The following ANO3 variants were observed in gnomAD, a reference collection of about 807,000 sequenced individuals.
ANO3 encodes the protein anoctamin-3.
In ANO3, 99 loss-of-function variants were observed where a neutral mutation model predicts 144.8. That is an observed-to-expected ratio of 0.68 (90% CI 0.58 to 0.81). The LOEUF is 0.81. Ranked by LOEUF, ANO3 falls within the 30% of genes least tolerant of loss-of-function variation. The probability of loss-of-function intolerance (pLI) is 0.00; values close to 1 mark genes in which losing one functional copy is unlikely to be tolerated. For missense variants in ANO3, 905 were observed against 1,202.2 expected, an observed-to-expected ratio of 0.75 and a Z score of 3.66; for synonymous variants, 414 against 392.6, an observed-to-expected ratio of 1.05 and a Z score of -0.64.
At position 26,565,471 on chromosome 11, in the gene ANO3, C is replaced by T. The variant is rs35317037; in HGVS notation, c.1447+5692C>T. On this transcript the variant is annotated intron_variant, in intron 14 of 26. Transcript: ENST00000256737. ...GGATGTGCTGAGATGGGCAAAAGATCTTCATCTGCTATAGGTGCATTCCAA... is the reference window on the plus strand; with the variant it reads ...GGATGTGCTGAGATGGGCAAAAGATTTTCATCTGCTATAGGTGCATTCCAA... 17,605 of 1,613,350 alleles carry T rather than the reference C, an allele frequency of 0.011. 101 individuals are homozygous for T. The highest frequency in any genetic ancestry group is 0.013 in the Non-Finnish European group (15,496 of 1,179,532).
At chr11:26,302,907 A>AT (rs902878018) in intron 1 of ANO3, among the ~76,000 whole-genome samples, 4 of 152,222 alleles carry the variant, frequency 2.6e-5, no homozygotes, top group African/African-American at 7.2e-5. Flanking sequence ...ATGAATAGAC[A>AT]TTTTTTAAAA....
chr11:26,453,113 C>T (rs1181765830), intron 3 of ANO3, among the ~76,000 whole-genome samples: 23 of 152,106 alleles, frequency 1.5e-4, no homozygotes, highest in East Asian at 3.9e-4. Flanking sequence ...CGGTACCAGC[C>T]GCTGCAAAAT....
intron 1 of ANO3, among the ~76,000 whole-genome samples, chr11:26,402,532 T>G (rs1245092883): frequency 1.3e-5 from 2 of 151,974 alleles, no homozygotes; most frequent in Non-Finnish European, 2.9e-5. Flanking sequence ...ATGTTAGACT[T>G]TTGTTGGAAG....
intron 1 of ANO3, among the ~76,000 whole-genome samples, chr11:26,402,821 T>C (rs118021559): frequency 0.027 from 4,064 of 152,000 alleles, 59 homozygotes; most frequent in East Asian, 0.11. Flanking sequence ...CAAGTTTACA[T>C]ATGTAACAAA....
At chr11:26,189,504 A>T (rs988519952) in intron 1 of ANO3, among the ~76,000 whole-genome samples, 4 of 152,196 alleles carry the variant, frequency 2.6e-5, no homozygotes, top group African/African-American at 4.8e-5. Context: ...CTTTTGAAAT[A>T]AAAAATAGAG....
upstream of ANO3, among the ~76,000 whole-genome samples, chr11:26,305,028 A>C (rs553285568): frequency 1.6e-4 from 25 of 152,184 alleles, no homozygotes; most frequent in East Asian, 4.8e-3. Context: ...AAAAAAAAGA[A>C]AAGGGTCCAG....
intron 1 of ANO3, among the ~76,000 whole-genome samples, chr11:26,316,884 A>G (rs1015772242): frequency 2.0e-5 from 3 of 152,266 alleles, no homozygotes; most frequent in Non-Finnish European, 2.9e-5. Context: ...TGGCAGCCCA[A>G]CCTTGCATTG....
intron 1 of ANO3, among the ~76,000 whole-genome samples, chr11:26,326,213 A>G (rs574554335): frequency 6.6e-6 from 1 of 152,292 alleles, no homozygotes; most frequent in South Asian, 2.1e-4. Flanking sequence ...ATGACCACAT[A>G]ACTTACTGTC....
intron 20 of ANO3, among the ~76,000 whole-genome samples, chr11:26,638,357 T>G (rs1022996647): frequency 6.6e-6 from 1 of 152,342 alleles, no homozygotes; most frequent in African/African-American, 2.4e-5. Flanking sequence ...CCTTTGTGAT[T>G]GGTCTCTCCA....
intron 1 of ANO3, among the ~76,000 whole-genome samples, chr11:26,362,247 A>G (rs1855946582): frequency 6.6e-6 from 1 of 152,172 alleles, no homozygotes; most frequent in African/African-American, 2.4e-5. Flanking sequence ...AATTATAATA[A>G]TAAAAACTTT....
upstream of ANO3, chr11:26,331,505 T>C (rs1855039570): frequency 6.6e-6 from 1 of 152,168 alleles, no homozygotes; most frequent in Admixed American, 6.5e-5. Context: ...AATATTAGAA[T>C]CATAGTTTAC....
At chr11:26,490,396 T>C (rs950079379) in intron 4 of ANO3, among the ~76,000 whole-genome samples, 10 of 152,192 alleles carry the variant, frequency 6.6e-5, no homozygotes, top group African/African-American at 2.4e-4. Context: ...CTTGCAAACA[T>C]GCACATTATT....
intron 18 of ANO3, among the ~76,000 whole-genome samples, chr11:26,631,620 A>T (rs1459515485): frequency 6.6e-6 from 1 of 152,170 alleles, no homozygotes; most frequent in African/African-American, 2.4e-5. Context: ...AAAGAAACAC[A>T]ACTGAATTTA....
intron 18 of ANO3, 34 bp downstream of exon 18, chr11:26,624,532 A>G (rs369575557): frequency 1.3e-5 from 19 of 1,499,128 alleles, no homozygotes; most frequent in African/African-American, 1.4e-5. Flanking sequence ...CTCCTTAGTC[A>G]GAAAATAACA....
intron 17 of ANO3, among the ~76,000 whole-genome samples, chr11:26,616,983 G>A (rs1007849792): frequency 6.6e-6 from 1 of 152,158 alleles, no homozygotes; most frequent in African/African-American, 2.4e-5. Flanking sequence ...ATGCTGGCCA[G>A]GCTGGTTTCG....
intron 1 of ANO3, among the ~76,000 whole-genome samples, chr11:26,264,538 C>T (rs1853264440): frequency 1.3e-5 from 2 of 152,040 alleles, no homozygotes; most frequent in African/African-American, 4.8e-5. Flanking sequence ...TCTTTTATGC[C>T]AGTAGAGGAG....
chr11:26,281,428 C>A (rs1474131034), intron 1 of ANO3, among the ~76,000 whole-genome samples: 2 of 152,124 alleles, frequency 1.3e-5, no homozygotes, highest in Non-Finnish European at 2.9e-5. Flanking sequence ...CCTAGAGGGA[C>A]CCTACTCCTA....
At chr11:26,654,326 C>G (rs1208196076) in intron 24 of ANO3, among the ~76,000 whole-genome samples, 1 of 151,948 alleles carries the variant, frequency 6.6e-6, no homozygotes, top group East Asian at 1.9e-4. Flanking sequence ...GTGTAGAGGT[C>G]CTATATGGCA....
At chr11:26,505,496 G>A (rs1039724265) in intron 4 of ANO3, among the ~76,000 whole-genome samples, 1 of 152,146 alleles carries the variant, frequency 6.6e-6, no homozygotes, top group Admixed American at 6.5e-5. Flanking sequence ...ATCACAAGGA[G>A]GGAGTATATA....
Sources: gnomAD v4.1 joint callset for allele counts (sites outside exome capture counted in the v4.1 genomes callset) on GRCh38, gnomAD v4.1.1 for gene constraint, MANE v1.5 for transcripts, NCBI Gene and HGNC (gene_info 2026-07-23, HGNC 2026-07-21) for gene names.